The following BMAL1 variants were observed in gnomAD, a reference collection of about 807,000 sequenced individuals.
BMAL1 encodes basic helix-loop-helix ARNT like 1.
At chr11:13,341,490 C>A in the BMAL1 span, among the ~76,000 whole-genome samples, 1 of 152,258 alleles carries the variant, frequency 6.6e-6, no homozygotes, top group African/African-American at 2.4e-5. Flanking sequence ...CTGCCTGGCC[C>A]AGCCTGTCTT....
chr11:13,386,580 T>C, the BMAL1 span: 8 of 1,601,842 alleles, frequency 5.0e-6, no homozygotes, highest in Non-Finnish European at 6.8e-6. Context: ...TGACCAGTCT[T>C]TATCTCCTCC....
At chr11:13,305,323 C>G in the BMAL1 span, among the ~76,000 whole-genome samples, 3 of 152,182 alleles carry the variant, frequency 2.0e-5, no homozygotes, top group South Asian at 6.2e-4. Flanking sequence ...GAATGGCTAG[C>G]TGAGAGAAAT....
the BMAL1 span, among the ~76,000 whole-genome samples, chr11:13,280,445 T>C: frequency 6.6e-6 from 1 of 152,248 alleles, no homozygotes; most frequent in Non-Finnish European, 1.5e-5. Context: ...ATAGTTAATA[T>C]CTCTCTTTGG....
At chr11:13,298,251 C>T in the BMAL1 span, among the ~76,000 whole-genome samples, 4 of 152,192 alleles carry the variant, frequency 2.6e-5, no homozygotes, top group Admixed American at 1.3e-4. Context: ...CAGTGGAATC[C>T]GTGTTGTTCT....
chr11:13,321,621 G>C, the BMAL1 span, among the ~76,000 whole-genome samples: 1 of 152,090 alleles, frequency 6.6e-6, no homozygotes, highest in Non-Finnish European at 1.5e-5. Flanking sequence ...TTGTGCTGCT[G>C]GTTTTGTAAC....
At chr11:13,367,006 AAAG>A in the BMAL1 span, among the ~76,000 whole-genome samples, 1 of 152,222 alleles carries the variant, frequency 6.6e-6, no homozygotes, top group Admixed American at 6.5e-5. Context: ...AATTTATTGA[AAAG>A]AAGAGCTATT....
the BMAL1 span, chr11:13,356,379 G>C: frequency 2.0e-6 from 1 of 509,316 alleles, no homozygotes. Flanking sequence ...GAATGATGGG[G>C]GGGGAGAATG....
chr11:13,302,603 C>G, the BMAL1 span, among the ~76,000 whole-genome samples: 3 of 152,206 alleles, frequency 2.0e-5, no homozygotes, highest in African/African-American at 7.2e-5. Context: ...ATTTGAGTTC[C>G]ATTTTTATAG....
chr11:13,384,563 A>C, the BMAL1 span, among the ~76,000 whole-genome samples: 1 of 152,234 alleles, frequency 6.6e-6, no homozygotes, highest in African/African-American at 2.4e-5. Context: ...TTATTTGAAA[A>C]GTCTATTAAA....
the BMAL1 span, among the ~76,000 whole-genome samples, chr11:13,324,398 T>C: frequency 1.2e-4 from 19 of 152,280 alleles, no homozygotes; most frequent in Non-Finnish European, 2.5e-4. Flanking sequence ...CTGTTCCCCC[T>C]GTTGTCTCAT....
the BMAL1 span, among the ~76,000 whole-genome samples, chr11:13,329,060 T>C: frequency 2.0e-4 from 31 of 152,204 alleles, no homozygotes; most frequent in Non-Finnish European, 8.8e-5. Flanking sequence ...CTAGTTGATA[T>C]GGAACCAGTC....
the BMAL1 span, among the ~76,000 whole-genome samples, chr11:13,285,300 C>T: frequency 5.3e-5 from 8 of 152,224 alleles, no homozygotes; most frequent in Non-Finnish European, 8.8e-5. Context: ...TCAGTTACTC[C>T]GTCAGTGAAG....
At chr11:13,372,139 C>T in the BMAL1 span, 1 of 1,612,090 alleles carries the variant, frequency 6.2e-7, no homozygotes, top group Non-Finnish European at 8.5e-7. Context: ...AGTGCTGACA[C>T]TAACCACGAA....
chr11:13,374,992 C>T, the BMAL1 span, among the ~76,000 whole-genome samples: 1 of 152,198 alleles, frequency 6.6e-6, no homozygotes, highest in African/African-American at 2.4e-5. Context: ...GACCCTGCTG[C>T]TCCTCAGGCA....
the BMAL1 span, among the ~76,000 whole-genome samples, chr11:13,325,388 TG>T: frequency 6.6e-6 from 1 of 152,276 alleles, no homozygotes; most frequent in Non-Finnish European, 1.5e-5. Flanking sequence ...TTTCTCGCAG[TG>T]GGTACATTTC....
At chr11:13,339,266 C>T in the BMAL1 span, among the ~76,000 whole-genome samples, 1 of 152,136 alleles carries the variant, frequency 6.6e-6, no homozygotes, top group Non-Finnish European at 1.5e-5. Flanking sequence ...CTCAGACTGA[C>T]TCCTCTTACA....
At chr11:13,286,894 AG>A in the BMAL1 span, among the ~76,000 whole-genome samples, 2 of 152,334 alleles carry the variant, frequency 1.3e-5, no homozygotes, top group East Asian at 3.9e-4. Flanking sequence ...ATGAGTTTGC[AG>A]GAGAGAGCAG....
chr11:13,305,389 T>C, the BMAL1 span, among the ~76,000 whole-genome samples: 1 of 152,358 alleles, frequency 6.6e-6, no homozygotes, highest in South Asian at 2.1e-4. Flanking sequence ...TTTTTAATTT[T>C]GGTATCCATG....
At chr11:13,325,657 T>TGTGTGTGTG in the BMAL1 span, among the ~76,000 whole-genome samples, 1 of 134,348 alleles carries the variant, frequency 7.4e-6, no homozygotes, top group South Asian at 2.5e-4. Flanking sequence ...TTGAGACCTT[T>TGTGTGTGTG]TGTGTGTGTG....
Sources: gnomAD v4.1 joint callset for allele counts (sites outside exome capture counted in the v4.1 genomes callset) on GRCh38, gnomAD v4.1.1 for gene constraint, MANE v1.5 for transcripts, NCBI Gene and HGNC (gene_info 2026-07-23, HGNC 2026-07-21) for gene names.